SMG5: variants seen among roughly 807,000 people sequenced by gnomAD.
SMG5 encodes SMG5 nonsense mediated mRNA decay factor, also known as nonsense-mediated mRNA decay factor SMG5.
A neutral mutation model predicts 122.9 loss-of-function variants in SMG5; 53 were observed. The observed-to-expected ratio is 0.43, with a 90% CI of 0.35 to 0.54. The LOEUF (loss-of-function observed/expected upper bound fraction) is 0.54, where lower values mean the gene tolerates loss of function less well. Ranked by LOEUF, SMG5 falls within the 20% of genes least tolerant of loss-of-function variation. SMG5 has a pLI of 0.01. For missense variants in SMG5, 1,153 were observed against 1,285.6 expected (o/e 0.90, Z 1.58); for synonymous variants, 477 against 490.2 (o/e 0.97, Z 0.35).
chr1:156,263,939 T>C (rs1558237391), intron 12 of SMG5, among the ~76,000 whole-genome samples: 1 of 152,068 alleles, frequency 6.6e-6, no homozygotes, highest in Non-Finnish European at 1.5e-5. Context: ...AGGGGAGCTA[T>C]AAGGGAGGGA....
At position 156,278,982 on chromosome 1, in the gene SMG5, C is replaced by A; in HGVS notation, c.127G>T (p.Ala43Ser). The A allele has an allele frequency of 6.2e-7, 1 of 1,614,116 alleles. No homozygotes were observed. Among genetic ancestry groups the A allele is most frequent in the Non-Finnish European group, 8.5e-7 (1 of 1,180,026 alleles). Residue 43 changes from alanine to serine, a missense_variant, in exon 2 of 22, where the codon GCT (alanine) becomes TCT (serine). By Grantham distance (99) the Ala-to-Ser change is moderately conservative. Transcript: ENST00000361813. ...TCTGGTTTGAATACTTCTTGATAAG[C>A]AGTTTTGTTGCAAAGGATGAGGTCA... ...RLDLILCNKT[A>S]YQEVFKPENI...
Position 156,266,363 on chromosome 1 carries a change from C to G in SMG5, c.1273G>C (p.Glu425Gln). 6.2e-7 allele frequency: 1 copy of G among 1,612,412 alleles called. No homozygotes were observed. Among genetic ancestry groups the G allele is most frequent in the Non-Finnish European group, 8.5e-7 (1 of 1,178,736 alleles). The change falls in exon 12 of 22, where the codon GAA (glutamate) becomes CAA (glutamine). Residue 425 changes from glutamate to glutamine, a missense_variant. Glu to Gln is a conservative substitution (Grantham distance 29). This residue lies in a region of SMG5 where 631 missense variants were observed against 650.6 expected (regional missense o/e 0.97). Transcript: ENST00000361813. The part of the protein sequence containing the change: ...SDGTDEPESK[E>Q]PVEKEEEPDP... ...GGCTCCTCCTCTTTCTCCACAGGTTCCTTGGACTCTGGTTCATCTGCGGAA... is the reference window on the plus strand; with the variant it reads ...GGCTCCTCCTCTTTCTCCACAGGTTGCTTGGACTCTGGTTCATCTGCGGAA...
At chr1:156,267,802 G>C in intron 9 of SMG5, 124 bp from the exon 10 acceptor site, 1 of 850,298 alleles carries the variant, frequency 1.2e-6, no homozygotes, top group Non-Finnish European at 1.8e-6. Context: ...GAGCACACCA[G>C]GGAAGGGTAG....
At chr1:156,266,510 T>C in intron 11 of SMG5, 31 bp downstream of exon 11, 1 of 1,613,922 alleles carries the variant, frequency 6.2e-7, no homozygotes, top group Non-Finnish European at 8.5e-7. Flanking sequence ...CACCAACCTT[T>C]CCATAGTGAT....
intron 7 of SMG5, among the ~76,000 whole-genome samples, chr1:156,270,448 G>A (rs960501418): frequency 2.6e-5 from 4 of 152,194 alleles, no homozygotes; most frequent in Non-Finnish European, 5.9e-5. Context: ...TAGACCTTCC[G>A]ATCAGCTGAA....
chr1:156,282,817 G>C lies in SMG5; in HGVS notation c.-137C>G. On this transcript the variant is annotated 5_prime_UTR_variant, in exon 1 of 22. Transcript: ENST00000361813. ...CGGCCGCCATCGCTGTGAGGCGGCT[G>C]CCCGCGACAGCTCCTCCTCCGCCTG... 1.2e-6 allele frequency: 1 copy of C among 866,132 alleles called. No homozygotes were observed. The highest frequency in any genetic ancestry group is 1.8e-5 in the South Asian group (1 of 54,356). 53.7% of individuals were successfully genotyped at this position (866,132 alleles called of 1,614,324 possible). A position where few individuals can be genotyped will look rare whatever the true frequency, so the allele number is the denominator to read the frequency against.
upstream of SMG5, chr1:156,285,262 G>T: frequency 6.4e-7 from 1 of 1,556,346 alleles, no homozygotes; most frequent in South Asian, 1.2e-5. Context: ...TACTGGAAGT[G>T]AAGAGGTCTG....
intron 4 of SMG5, among the ~76,000 whole-genome samples, chr1:156,275,897 C>T (rs2101564794): frequency 6.6e-6 from 1 of 151,798 alleles, no homozygotes; most frequent in African/African-American, 2.4e-5. Flanking sequence ...TCACTGCAGC[C>T]TCGAACTCCT....
At position 156,266,604 on chromosome 1, in the gene SMG5, G is replaced by T. The variant is rs776243965; in HGVS notation, c.1192C>A (p.Arg398=). ...FSHLVNHVNI[R]LQAELEEGEN... ...CCCTCTTCCAGCTCAGCCTGCAGCC[G>T]TATGTTGACATGATTGACGAGGTGG... Residue 398 remains arginine, a synonymous_variant, in exon 11 of 22, where the codon CGG becomes AGG. Coordinates refer to ENST00000361813, the MANE Select transcript of SMG5 (RefSeq NM_015327.3). 9.3e-6 allele frequency: 15 copies of T among 1,614,118 alleles called. No homozygotes were observed. The South Asian group carries it at 1.5e-4, about 17-fold the overall frequency.
rs769954464 is a variant in SMG5 at position 156,253,026 on chromosome 1, G to A, written c.2555C>T (p.Ala852Val). 8 of 1,612,770 alleles carry A rather than the reference G, an allele frequency of 5.0e-6. No individual in the cohort carries two copies. Among genetic ancestry groups the A allele is most frequent in the Non-Finnish European group, 5.9e-6 (7 of 1,179,628 alleles). ...GTCAGGGACGAGGTAGGGAGACATGGCTGACTGGGCCTTGGGCTGCTGCAG... is the reference window on the plus strand; with the variant it reads ...GTCAGGGACGAGGTAGGGAGACATGACTGACTGGGCCTTGGGCTGCTGCAG... ...GSLQQPKAQS[A>V]MSPYLVPDTQ... Residue 852 changes from alanine (A) to valine (V), a missense_variant, in exon 18 of 22, where the codon GCC becomes GTC. This residue lies in a region of SMG5 where 140 missense variants were observed against 227.8 expected (regional missense o/e 0.61). Coordinates refer to ENST00000361813, the MANE Select transcript of SMG5 (RefSeq NM_015327.3).
chr1:156,273,718 CTTTTTTTTTT>C (rs748042052), intron 5 of SMG5, among the ~76,000 whole-genome samples: 2 of 116,344 alleles, frequency 1.7e-5, no homozygotes, highest in Non-Finnish European at 3.5e-5. Flanking sequence ...GTTTTGTTTT[CTTTTTTTTTT>C]TTTTTTTTTT....
At chr1:156,285,243 C>T (rs1663115806), upstream of SMG5, 1 of 1,544,280 alleles carries the variant, frequency 6.5e-7, no homozygotes, top group Non-Finnish European at 8.7e-7. Flanking sequence ...GAACAGGAGA[C>T]CCTGGCCCTA....
At position 156,263,526 on chromosome 1, in the gene SMG5, G is replaced by A. The variant is rs765152299; in HGVS notation, c.1900C>T (p.Arg634Cys). ...ATGCTGCGCTCATTCCGACAGGAGC[G>A]TCCACTGGACTCACTCCCCTCCGAC... ...SESEGSESSG[R>C]SCRNERSIQE... The change falls in exon 13 of 22, where the codon CGC becomes TGC. Residue 634 changes from arginine to cysteine, a missense_variant. Arg to Cys is a radical substitution (Grantham distance 180). This residue lies in a region of SMG5 where 631 missense variants were observed against 650.6 expected (regional missense o/e 0.97). Coordinates refer to ENST00000361813, the MANE Select transcript of SMG5 (RefSeq NM_015327.3). 8.1e-6 allele frequency: 13 copies of A among 1,614,092 alleles called. No homozygotes were observed. The East Asian group carries it at 8.9e-5, about 11-fold the overall frequency.
rs980685607 is a variant in SMG5, at chr1:156,257,508, C to T, written c.2442+1497G>A. Among the ~76,000 whole-genome samples the T allele has an allele frequency of 5.9e-5, 9 of 152,032 alleles. No homozygotes were observed. The South Asian group carries it at 1.7e-3, about 28-fold the overall frequency. On this transcript the variant is annotated intron_variant, in intron 16 of 21. Transcript: ENST00000361813. Reference sequence around the variant, plus strand: ...GGGCTTGCAGGTACTCCCTACCCCCCGACAGGAAGAGTGTCTTCAAGAGCT... The same window carrying T: ...GGGCTTGCAGGTACTCCCTACCCCCTGACAGGAAGAGTGTCTTCAAGAGCT...
chr1:156,268,108 C>T lies in SMG5; in HGVS notation c.908+7G>A. 6.2e-7 allele frequency: 1 copy of T among 1,613,998 alleles called. No homozygotes were observed. The highest frequency in any genetic ancestry group is 2.2e-5 in the East Asian group (1 of 44,884). On this transcript the variant is annotated splice_region_variant and intron_variant, in intron 9 of 21. Transcript: ENST00000361813. ...GATAGTTCAGGTTCATGCTCTCTTC[C>T]ACTCACCTGCTTTTGGGCTGTAGGA...
At chr1:156,263,674 C>T in intron 12 of SMG5, 104 bp from the exon 13 acceptor site, 2 of 1,293,618 alleles carry the variant, frequency 1.5e-6, no homozygotes, top group Non-Finnish European at 2.1e-6. Flanking sequence ...CTGGCCTGGG[C>T]CCTTCCAAGG....
Position 156,278,923 on chromosome 1 carries a change from G to C in SMG5, c.173+13C>G, listed in dbSNP as rs750395314. 4.4e-6 allele frequency: 7 copies of C among 1,604,836 alleles called. No homozygotes were observed. Among genetic ancestry groups the C allele is most frequent in the Non-Finnish European group, 6.0e-6 (7 of 1,171,504 alleles). ...AAACAGTAAGGATCTGTGGTTTAGA[G>C]TCTCTAGCTTACTTGTTCCTCAGGC... On this transcript the variant is annotated intron_variant, in intron 2 of 21. Coordinates refer to ENST00000361813, the MANE Select transcript of SMG5 (RefSeq NM_015327.3).
At chr1:156,261,890 CAAAAAAAAAAAAA>C (rs61569049) in intron 13 of SMG5, among the ~76,000 whole-genome samples, 4 of 90,194 alleles carry the variant, frequency 4.4e-5, no homozygotes, top group African/African-American at 1.5e-4. Context: ...AACTCCTTCT[CAAAAAAAAAAAAA>C]AAAAAAAAAA....
Position 156,266,586 on chromosome 1 carries a change from C to G in SMG5, c.1210G>C (p.Glu404Gln), listed in dbSNP as rs1344988605. 6.2e-7 allele frequency: 1 copy of G among 1,614,190 alleles called. No individual in the cohort carries two copies. Among genetic ancestry groups the G allele is most frequent in the South Asian group, 1.1e-5 (1 of 91,086 alleles). ...GCCGGGACGGGATTCTCGCCCTCTT[C>G]CAGCTCAGCCTGCAGCCGTATGTTG... ...HVNIRLQAELEEGENPVPAFQ... is the reference protein window; with the variant it reads ...HVNIRLQAELQEGENPVPAFQ... Residue 404 changes from glutamate to glutamine, a missense_variant, in exon 11 of 22, where the codon GAA becomes CAA. Glu to Gln is a conservative substitution (Grantham distance 29). Around this residue, in one of 5 missense-constraint regions of SMG5, gnomAD observed 631 missense variants for 650.6 expected, o/e 0.97. Transcript: ENST00000361813.
Sources: gnomAD v4.1 joint callset for allele counts (sites outside exome capture counted in the v4.1 genomes callset) on GRCh38, gnomAD v4.1.1 for gene constraint, gnomAD v4.1.1 regional missense constraint, MANE v1.5 for transcripts, NCBI Gene and HGNC (gene_info 2026-07-23, HGNC 2026-07-21) for gene names.